SEMA3A: variants seen among roughly 807,000 people sequenced by gnomAD.
SEMA3A encodes semaphorin 3A.
Under a neutral mutation model 97.9 loss-of-function variants are expected in SEMA3A, and 29 were observed. That is an observed-to-expected ratio of 0.30 (90% CI 0.22 to 0.40). SEMA3A has a LOEUF of 0.40. SEMA3A is among the 10% of genes least tolerant of loss of function. The pLI is 1.00. For synonymous variants in SEMA3A, 321 were observed against 323.7 expected (o/e 0.99, Z 0.09); for missense variants, 763 against 951.3 (o/e 0.80, Z 2.60).
chr7:84,026,868 G>A (rs151063180), intron 6 of SEMA3A, among the ~76,000 whole-genome samples: 1 of 152,128 alleles, frequency 6.6e-6, no homozygotes, highest in African/African-American at 2.4e-5. Context: ...GGAAAAGGGA[G>A]AGAAGCAGAA....
intron 2 of SEMA3A, among the ~76,000 whole-genome samples, chr7:84,355,322 C>T (rs1802531242): frequency 6.6e-6 from 1 of 151,856 alleles, no homozygotes; most frequent in Non-Finnish European, 1.5e-5. Flanking sequence ...CATGTTCCTC[C>T]TCTAAGCCTT....
intron 6 of SEMA3A, among the ~76,000 whole-genome samples, chr7:84,043,335 T>A (rs1355909895): frequency 6.6e-6 from 1 of 152,060 alleles, no homozygotes; most frequent in African/African-American, 2.4e-5. Context: ...AACTCCATTT[T>A]AAAAAATCAA....
At chr7:84,009,905 CAAAAA>C (rs3074687) in intron 9 of SEMA3A, among the ~76,000 whole-genome samples, 3 of 91,708 alleles carry the variant, frequency 3.3e-5, no homozygotes, top group East Asian at 6.3e-4. Flanking sequence ...ACACTGGTTA[CAAAAA>C]AAAAAAAAAA....
At chr7:84,375,815 C>T (rs554075790) in intron 1 of SEMA3A, among the ~76,000 whole-genome samples, 199 of 152,194 alleles carry the variant, frequency 1.3e-3, no homozygotes, top group African/African-American at 4.6e-3. Context: ...CAGTTTTGTA[C>T]CTGCTAACCT....
intron 3 of SEMA3A, among the ~76,000 whole-genome samples, chr7:84,116,717 A>G (rs1231545162): frequency 6.6e-6 from 1 of 152,168 alleles, no homozygotes; most frequent in Non-Finnish European, 1.5e-5. Flanking sequence ...AGGAAGGACC[A>G]TGTGAAGAGG....
chr7:84,317,018 C>T (rs1194064626), intron 2 of SEMA3A, among the ~76,000 whole-genome samples: 1 of 151,996 alleles, frequency 6.6e-6, no homozygotes, highest in Non-Finnish European at 1.5e-5. Flanking sequence ...TAGCTGGTAC[C>T]CATCATCATA....
intron 3 of SEMA3A, among the ~76,000 whole-genome samples, chr7:84,244,062 G>A (rs1799425304): frequency 6.6e-6 from 1 of 152,186 alleles, no homozygotes; most frequent in South Asian, 2.1e-4. Context: ...TGAGAAGAAT[G>A]TATATTCTGT....
intron 3 of SEMA3A, among the ~76,000 whole-genome samples, chr7:84,245,854 G>A (rs923355473): frequency 1.3e-5 from 2 of 152,114 alleles, no homozygotes; most frequent in African/African-American, 4.8e-5. Context: ...TGAGGAGGTG[G>A]TCCATCCCTT....
chr7:84,290,169 G>T (rs1800705454), intron 3 of SEMA3A, among the ~76,000 whole-genome samples: 1 of 152,052 alleles, frequency 6.6e-6, no homozygotes, highest in Non-Finnish European at 1.5e-5. Context: ...ATTAGATTGT[G>T]ATGATAATTA....
chr7:84,271,287 A>T (rs1171906723), intron 3 of SEMA3A, among the ~76,000 whole-genome samples: 1 of 152,064 alleles, frequency 6.6e-6, no homozygotes, highest in African/African-American at 2.4e-5. Context: ...TCCTGGGCTC[A>T]CGCAATCCTC....
chr7:84,458,542 C>T (rs1805744492), intron 1 of SEMA3A, among the ~76,000 whole-genome samples: 1 of 151,902 alleles, frequency 6.6e-6, no homozygotes, highest in Non-Finnish European at 1.5e-5. Context: ...TTTCAACTTG[C>T]ATACTTTGTG....
chr7:84,192,399 G>A (rs947926048), intron 1 of SEMA3A, among the ~76,000 whole-genome samples: 1 of 151,834 alleles, frequency 6.6e-6, no homozygotes, highest in African/African-American at 2.4e-5. Context: ...TCATTTCACA[G>A]TTTATTTTAC....
intron 1 of SEMA3A, among the ~76,000 whole-genome samples, chr7:84,442,461 C>T (rs2116343135): frequency 6.6e-6 from 1 of 151,536 alleles, no homozygotes; most frequent in South Asian, 2.1e-4. Context: ...CAGAAGTTAG[C>T]TAAAGAATAA....
intron 1 of SEMA3A, among the ~76,000 whole-genome samples, chr7:84,455,646 T>G (rs539781553): frequency 6.6e-6 from 1 of 152,092 alleles, no homozygotes; most frequent in South Asian, 2.1e-4. Context: ...TGAATAATTC[T>G]TATAGTTTGG....
At chr7:84,314,391 A>G (rs1422429374) in intron 2 of SEMA3A, among the ~76,000 whole-genome samples, 2 of 152,166 alleles carry the variant, frequency 1.3e-5, no homozygotes, top group Non-Finnish European at 2.9e-5. Context: ...TAGTCATATG[A>G]CATGTAGTGT....
chr7:84,398,521 G>T (rs929863881), intron 1 of SEMA3A, among the ~76,000 whole-genome samples: 10 of 152,190 alleles, frequency 6.6e-5, no homozygotes, highest in African/African-American at 2.4e-4. Flanking sequence ...TATTTGGGAA[G>T]CTGAGGCAGA....
chr7:84,134,644 A>G (rs982198645), intron 2 of SEMA3A, 150 bp downstream of exon 2: 2 of 551,484 alleles, frequency 3.6e-6, no homozygotes, highest in African/African-American at 3.9e-5. Context: ...CCATTGATTC[A>G]TTACTGTCAT....
intron 1 of SEMA3A, among the ~76,000 whole-genome samples, chr7:84,406,096 C>T (rs375409422): frequency 1.3e-5 from 2 of 152,022 alleles, no homozygotes; most frequent in Admixed American, 6.6e-5. Context: ...TTCAAAAAAT[C>T]AATGAATCCA....
chr7:83,978,403 A>G (rs775183768), intron 14 of SEMA3A, among the ~76,000 whole-genome samples: 1 of 152,166 alleles, frequency 6.6e-6, no homozygotes, highest in Non-Finnish European at 1.5e-5. Flanking sequence ...AGGAGGAGGT[A>G]GGCTGTAGTC....
Sources: gnomAD v4.1 joint callset for allele counts (sites outside exome capture counted in the v4.1 genomes callset) on GRCh38, gnomAD v4.1.1 for gene constraint, MANE v1.5 for transcripts, NCBI Gene and HGNC (gene_info 2026-07-23, HGNC 2026-07-21) for gene names.